SLC26A7: variants seen among roughly 807,000 people sequenced by gnomAD.
The protein encoded by SLC26A7 is solute carrier family 26 member 7, also known as anion exchange transporter.
A neutral mutation model predicts 82.5 loss-of-function variants in SLC26A7; 59 were observed. That is an observed-to-expected ratio of 0.72 (90% CI 0.58 to 0.89). SLC26A7 has a LOEUF of 0.89. SLC26A7 is among the 40% of genes least tolerant of loss of function. The pLI, the probability that SLC26A7 is intolerant of heterozygous loss-of-function variation, is 0.00. For missense variants in SLC26A7, 820 were observed against 793.0 expected (o/e 1.03, Z -0.41); for synonymous variants, 271 against 274.3 (o/e 0.99, Z 0.12).
intron 12 of SLC26A7, 40 bp from the exon 13 acceptor site, chr8:91,363,432 G>C (rs766953573): frequency 7.9e-7 from 1 of 1,265,140 alleles, no homozygotes; most frequent in South Asian, 1.3e-5. Context: ...ATAATGATTA[G>C]GAAATGACTT....
At chr8:91,211,661 A>T (rs994470032) in intron 1 of SLC26A7, among the ~76,000 whole-genome samples, 28 of 148,412 alleles carry the variant, frequency 1.9e-4, no homozygotes, top group South Asian at 6.4e-4. Flanking sequence ...TTTCTGTTAA[A>T]TTTTTTTTAA....
At chr8:91,365,513 T>A (rs1466743068) in intron 13 of SLC26A7, among the ~76,000 whole-genome samples, 1 of 152,180 alleles carries the variant, frequency 6.6e-6, no homozygotes, top group Non-Finnish European at 1.5e-5. Flanking sequence ...TCATTGTTAT[T>A]TTTTGTTTCT....
At chr8:91,388,863 T>G (rs931671914) in intron 15 of SLC26A7, among the ~76,000 whole-genome samples, 1 of 152,054 alleles carries the variant, frequency 6.6e-6, no homozygotes, top group Non-Finnish European at 1.5e-5. Context: ...CAATGGAGTT[T>G]TTTTTTTTTA....
At chr8:91,228,642 T>C (rs1810271527) in intron 2 of SLC26A7, among the ~76,000 whole-genome samples, 2 of 151,028 alleles carry the variant, frequency 1.3e-5, no homozygotes, top group South Asian at 4.2e-4. Flanking sequence ...AGGAAGAAAG[T>C]GAGTGTATTG....
chr8:91,243,454 G>T (rs1030271427), intron 2 of SLC26A7, among the ~76,000 whole-genome samples: 1 of 152,150 alleles, frequency 6.6e-6, no homozygotes, highest in African/African-American at 2.4e-5. Context: ...AAGAGTGGGG[G>T]TGGAGGATAA....
chr8:91,225,838 T>C (rs984293499), intron 2 of SLC26A7, among the ~76,000 whole-genome samples: 2 of 151,896 alleles, frequency 1.3e-5, no homozygotes, highest in Non-Finnish European at 2.9e-5. Flanking sequence ...TACTGCAACC[T>C]GGTTTCTGTT....
chr8:91,275,447 C>A (rs925555489), intron 2 of SLC26A7, among the ~76,000 whole-genome samples: 1 of 152,088 alleles, frequency 6.6e-6, no homozygotes, highest in Non-Finnish European at 1.5e-5. Flanking sequence ...TACAGGCATG[C>A]ATCTTTCACT....
At chr8:91,305,457 C>A (rs558326315) in intron 4 of SLC26A7, among the ~76,000 whole-genome samples, 96 of 152,272 alleles carry the variant, frequency 6.3e-4, no homozygotes, top group African/African-American at 1.9e-3. Context: ...AACACAACTA[C>A]TCTACAACTC....
intron 5 of SLC26A7, among the ~76,000 whole-genome samples, chr8:91,318,887 AC>A (rs1812715331): frequency 6.6e-6 from 1 of 152,134 alleles, no homozygotes; most frequent in African/African-American, 2.4e-5. Flanking sequence ...TTCTAACAAC[AC>A]TTTTTTGTTC....
intron 5 of SLC26A7, among the ~76,000 whole-genome samples, chr8:91,318,913 G>A (rs1231475382): frequency 6.6e-6 from 1 of 152,116 alleles, no homozygotes; most frequent in Non-Finnish European, 1.5e-5. Flanking sequence ...GTTTGTTTTC[G>A]AAGTGGACCT....
At chr8:91,394,295 A>G in intron 18 of SLC26A7, 1 of 1,612,772 alleles carries the variant, frequency 6.2e-7, no homozygotes, top group Non-Finnish European at 8.5e-7. Context: ...GTTGCCTATC[A>G]TTTGCAAACT....
intron 8 of SLC26A7, among the ~76,000 whole-genome samples, chr8:91,341,315 A>G (rs1586431107): frequency 1.3e-5 from 2 of 151,992 alleles, no homozygotes; most frequent in East Asian, 1.9e-4. Context: ...AAGGACATGA[A>G]CTCATCATTT....
At chr8:91,322,080 C>T (rs1365863951) in intron 5 of SLC26A7, among the ~76,000 whole-genome samples, 6 of 152,044 alleles carry the variant, frequency 3.9e-5, no homozygotes, top group Admixed American at 3.9e-4. Flanking sequence ...GATACTAATG[C>T]TTTTCCTCTA....
intron 15 of SLC26A7, among the ~76,000 whole-genome samples, chr8:91,372,805 G>T (rs1814403073): frequency 6.6e-6 from 1 of 151,730 alleles, no homozygotes; most frequent in Admixed American, 6.6e-5. Context: ...TGGATCTGTA[G>T]ATTGTTTTGA....
intron 2 of SLC26A7, among the ~76,000 whole-genome samples, chr8:91,278,592 TG>T (rs1242088810): frequency 2.6e-5 from 4 of 152,206 alleles, no homozygotes; most frequent in Non-Finnish European, 5.9e-5. Flanking sequence ...ATTTATAATT[TG>T]GTGTGATTTC....
chr8:91,344,103 G>C, intron 9 of SLC26A7: 1 of 985,344 alleles, frequency 1.0e-6, no homozygotes, highest in South Asian at 4.7e-5. Context: ...AAAAGATATT[G>C]AGTTGTGTGC....
rs189665598 is a variant in SLC26A7 at position 91,321,742 on chromosome 8, T to C, written c.642+3362T>C. Among the ~76,000 whole-genome samples, 60 of 152,320 alleles carry C rather than the reference T, an allele frequency of 3.9e-4. 1 individual carries two copies. The highest frequency in any genetic ancestry group is 1.3e-3 in the African/African-American group (56 of 41,584). On this transcript the variant is annotated intron_variant, in intron 5 of 18. Transcript: ENST00000276609. ...TCTGATTAAACTATCTTTCTTTTAGTATTATGGCTAGTTCTTTGTAAACTT... is the reference window on the plus strand; with the variant it reads ...TCTGATTAAACTATCTTTCTTTTAGCATTATGGCTAGTTCTTTGTAAACTT...
At chr8:91,390,491 G>T (rs1049733932) in intron 16 of SLC26A7, among the ~76,000 whole-genome samples, 4 of 151,924 alleles carry the variant, frequency 2.6e-5, no homozygotes, top group Non-Finnish European at 5.9e-5. Flanking sequence ...ACCCTGAATT[G>T]GTGGTGGTGG....
At chr8:91,228,174 G>T (rs747615724) in intron 2 of SLC26A7, among the ~76,000 whole-genome samples, 1 of 152,232 alleles carries the variant, frequency 6.6e-6, no homozygotes, top group African/African-American at 2.4e-5. Context: ...AGTGCCCTGA[G>T]GGGCCAGAGA....
Sources: gnomAD v4.1 joint callset for allele counts (sites outside exome capture counted in the v4.1 genomes callset) on GRCh38, gnomAD v4.1.1 for gene constraint, MANE v1.5 for transcripts, NCBI Gene and HGNC (gene_info 2026-07-23, HGNC 2026-07-21) for gene names.